ADCK1: variants seen among roughly 807,000 people sequenced by gnomAD.
ADCK1 encodes the protein aarF domain-containing protein kinase 1.
Under a neutral mutation model 52.3 loss-of-function variants are expected in ADCK1, and 41 were observed. That is an observed-to-expected ratio of 0.78 (90% CI 0.61 to 1.02). ADCK1 has a LOEUF of 1.02. Among genes scored for constraint, ADCK1 ranks in the 50% least tolerant of loss-of-function variants. The pLI, the probability that ADCK1 is intolerant of heterozygous loss-of-function variation, is 0.00. For synonymous variants in ADCK1, 250 were observed against 274.6 expected (o/e 0.91, Z 0.89); for missense variants, 658 against 679.5 (o/e 0.97, Z 0.35).
At chr14:77,809,649 A>G (rs1247807820) in intron 1 of ADCK1, among the ~76,000 whole-genome samples, 1 of 151,440 alleles carries the variant, frequency 6.6e-6, no homozygotes, top group African/African-American at 2.4e-5. Context: ...TAATTATTTG[A>G]CGTTATGCCA....
intron 4 of ADCK1, among the ~76,000 whole-genome samples, chr14:77,883,004 C>G (rs528638851): frequency 7.1e-6 from 1 of 140,154 alleles, no homozygotes; most frequent in Non-Finnish European, 1.5e-5. Context: ...ACACTTCCCC[C>G]CTTCGCACAT....
chr14:77,865,276 C>T (rs1566680653), intron 4 of ADCK1, among the ~76,000 whole-genome samples: 1 of 152,062 alleles, frequency 6.6e-6, no homozygotes, highest in African/African-American at 2.4e-5. Flanking sequence ...GTTAGGAGTT[C>T]GAGACCAGCC....
chr14:77,885,552 G>C (rs936386116), intron 4 of ADCK1, among the ~76,000 whole-genome samples: 4 of 152,198 alleles, frequency 2.6e-5, no homozygotes, highest in African/African-American at 4.8e-5. Context: ...GATTAGGAAA[G>C]TGATGGTGTA....
At chr14:77,895,696 C>CT in intron 5 of ADCK1, among the ~76,000 whole-genome samples, 1 of 152,256 alleles carries the variant, frequency 6.6e-6, no homozygotes, top group Admixed American at 6.5e-5. Flanking sequence ...TTTTATTTTA[C>CT]TTTCTTCAGC....
chr14:77,822,088 C>T lies in ADCK1; in HGVS notation c.136-347C>T, dbSNP rs1253364201. 2.6e-5 allele frequency among the ~76,000 whole-genome samples: 4 copies of T among 152,228 alleles called. No homozygotes were observed. In the East Asian group the frequency reaches 7.7e-4, roughly 29 times the overall value. ...TGGACAGGAAGGACAAGCCCCCGTG[C>T]TTCTAGAGCTTAGAGTTTAAGCTTA... On this transcript the variant is annotated intron_variant, in intron 2 of 10. Transcript: ENST00000238561.
chr14:77,896,700 A>G (rs1475182601), intron 5 of ADCK1, among the ~76,000 whole-genome samples: 1 of 152,342 alleles, frequency 6.6e-6, no homozygotes, highest in Non-Finnish European at 1.5e-5. Flanking sequence ...CTTGAGGCAT[A>G]CAGTCCAGGC....
At chr14:77,863,684 A>G (rs1336004110) in intron 4 of ADCK1, among the ~76,000 whole-genome samples, 10 of 152,072 alleles carry the variant, frequency 6.6e-5, no homozygotes, top group Non-Finnish European at 1.5e-4. Context: ...TAAAAATAGA[A>G]AAATTAGCTG....
intron 9 of ADCK1, 31 bp from the exon 10 acceptor site, chr14:77,931,487 A>T (rs759715472): frequency 6.2e-7 from 1 of 1,601,962 alleles, no homozygotes; most frequent in East Asian, 2.2e-5. Flanking sequence ...CATACCAACC[A>T]TCTGTTTCTG....
intron 2 of ADCK1, among the ~76,000 whole-genome samples, chr14:77,820,638 A>ACGTGT (rs1292625137): frequency 2.9e-5 from 2 of 68,716 alleles, no homozygotes; most frequent in African/African-American, 1.0e-4. Flanking sequence ...GGCCAATTTT[A>ACGTGT]CGTGTGTGTG....
At chr14:77,814,927 C>T (rs2081412918) in intron 1 of ADCK1, among the ~76,000 whole-genome samples, 1 of 150,742 alleles carries the variant, frequency 6.6e-6, no homozygotes, top group East Asian at 2.0e-4. Flanking sequence ...GTCTCTGTCG[C>T]CCAGGCTGGA....
chr14:77,893,922 C>T (rs770434143), intron 5 of ADCK1, among the ~76,000 whole-genome samples: 12 of 151,932 alleles, frequency 7.9e-5, no homozygotes, highest in Non-Finnish European at 1.0e-4. Flanking sequence ...TTAGTAGAGA[C>T]GGGGTTTTGC....
intron 1 of ADCK1, among the ~76,000 whole-genome samples, chr14:77,809,622 C>T (rs551422656): frequency 8.5e-5 from 13 of 152,218 alleles, no homozygotes; most frequent in African/African-American, 3.1e-4. Context: ...GCCACTGTGC[C>T]TGGCCTCCCT....
At chr14:77,820,032 A>G (rs2081546536) in intron 2 of ADCK1, among the ~76,000 whole-genome samples, 1 of 152,192 alleles carries the variant, frequency 6.6e-6, no homozygotes. Flanking sequence ...GGAACATAAA[A>G]CAATTCCCAA....
intron 6 of ADCK1, among the ~76,000 whole-genome samples, chr14:77,905,070 G>A (rs2083629218): frequency 6.6e-6 from 1 of 152,136 alleles, no homozygotes; most frequent in Admixed American, 6.5e-5. Context: ...AGGGGCACCT[G>A]TGGTTCTGAA....
In ADCK1 at chr14:77,886,936, ACACACG is replaced by A. The variant is rs767934733; in HGVS notation, c.424-150_424-145del. 5.0e-5 allele frequency among the ~76,000 whole-genome samples: 6 copies of A among 119,674 alleles called. No individual in the cohort carries two copies. The East Asian group carries it at 8.6e-4, about 17-fold the overall frequency. 78.5% of individuals were successfully genotyped at this position (119,674 alleles called of 152,430 possible). ...CACACACACACACACACACACACAC[ACACACG>A]CACAACACACACACACACTCTCTCT... On this transcript the variant is annotated intron_variant, in intron 4 of 10. Transcript: ENST00000238561.
At chr14:77,891,818 C>A (rs2083290043) in intron 5 of ADCK1, among the ~76,000 whole-genome samples, 1 of 152,174 alleles carries the variant, frequency 6.6e-6, no homozygotes, top group Admixed American at 6.5e-5. Context: ...TGGGAAAAGT[C>A]CTGCCTGGGT....
intron 6 of ADCK1, among the ~76,000 whole-genome samples, chr14:77,900,070 CAA>C (rs751907850): frequency 4.5e-5 from 3 of 67,070 alleles, no homozygotes. Flanking sequence ...AACTCCGTCT[CAA>C]AAAAAAAAAA....
intron 5 of ADCK1, among the ~76,000 whole-genome samples, chr14:77,887,971 C>G (rs796524127): frequency 4.6e-5 from 7 of 150,660 alleles, no homozygotes; most frequent in African/African-American, 1.8e-4. Context: ...TCTTTCAACT[C>G]TAACCAAACT....
chr14:77,842,454 TCCTTCCTTCC>T (rs2082091274), intron 3 of ADCK1, among the ~76,000 whole-genome samples: 5 of 41,786 alleles, frequency 1.2e-4, no homozygotes, highest in African/African-American at 2.5e-4. Flanking sequence ...TTTTTTTCCT[TCCTTCCTTCC>T]TTCCTTCCTT....
Sources: gnomAD v4.1 joint callset for allele counts (sites outside exome capture counted in the v4.1 genomes callset) on GRCh38, gnomAD v4.1.1 for gene constraint, MANE v1.5 for transcripts, NCBI Gene and HGNC (gene_info 2026-07-23, HGNC 2026-07-21) for gene names.